The following TASP1 variants were observed in gnomAD, a reference collection of about 807,000 sequenced individuals.
TASP1 encodes threonine aspartase 1.
Under a neutral mutation model 56.6 loss-of-function variants are expected in TASP1, and 16 were observed. The ratio of observed to expected loss-of-function variants is 0.28; its 90% CI spans 0.19 to 0.43. The LOEUF is 0.43. Ranked by LOEUF, TASP1 falls within the 20% of genes least tolerant of loss-of-function variation. TASP1 has a pLI of 1.00. For synonymous variants in TASP1, 179 were observed against 184.2 expected, an observed-to-expected ratio of 0.97 and a Z score of 0.23; for missense variants, 393 against 511.6, an observed-to-expected ratio of 0.77 and a Z score of 2.24.
intron 4 of TASP1, among the ~76,000 whole-genome samples, chr20:13,605,622 T>A (rs1442996706): frequency 1.3e-5 from 2 of 151,956 alleles, no homozygotes; most frequent in Non-Finnish European, 2.9e-5. Context: ...TAAGCTGCAG[T>A]AAGCTATGAT....
chr20:13,345,587 G>GGGGA, the TASP1 span, among the ~76,000 whole-genome samples: 1 of 152,176 alleles, frequency 6.6e-6, no homozygotes, highest in Non-Finnish European at 1.5e-5. Flanking sequence ...ATCTACACTG[G>GGGGA]GGGAGGGAGG....
chr20:13,419,137 G>A (rs1047153385), intron 12 of TASP1, among the ~76,000 whole-genome samples: 1 of 152,152 alleles, frequency 6.6e-6, no homozygotes, highest in South Asian at 2.1e-4. Flanking sequence ...TAACTGTACT[G>A]TGATTATTTA....
intron 12 of TASP1, among the ~76,000 whole-genome samples, chr20:13,434,538 A>C (rs776851398): frequency 2.0e-5 from 3 of 152,194 alleles, no homozygotes; most frequent in Non-Finnish European, 4.4e-5. Context: ...TCAGGAGGCC[A>C]GGGCAGATGT....
At chr20:13,385,926 T>C (rs1010277753), downstream of TASP1, among the ~76,000 whole-genome samples, 1 of 152,168 alleles carries the variant, frequency 6.6e-6, no homozygotes, top group Non-Finnish European at 1.5e-5. Flanking sequence ...CTTTCCATCG[T>C]TCTGGAAAAA....
the TASP1 span, among the ~76,000 whole-genome samples, chr20:13,140,936 C>G: frequency 6.6e-6 from 1 of 152,110 alleles, no homozygotes; most frequent in African/African-American, 2.4e-5. Context: ...CTGACCCTGC[C>G]TCTAACCCAA....
At chr20:13,184,042 A>AAAAG in the TASP1 span, among the ~76,000 whole-genome samples, 2 of 151,688 alleles carry the variant, frequency 1.3e-5, no homozygotes, top group Non-Finnish European at 2.9e-5. Flanking sequence ...AAAAAAAAAA[A>AAAAG]AAAGAAAGAA....
chr20:13,508,120 A>G (rs2044197271), intron 10 of TASP1, among the ~76,000 whole-genome samples: 1 of 151,470 alleles, frequency 6.6e-6, no homozygotes, highest in Non-Finnish European at 1.5e-5. Context: ...CTGGAAGAGT[A>G]AAACTAAAGG....
chr20:13,331,299 CGTAA>C, the TASP1 span, among the ~76,000 whole-genome samples: 2 of 152,148 alleles, frequency 1.3e-5, no homozygotes, highest in African/African-American at 4.8e-5. Flanking sequence ...AGACATTTTA[CGTAA>C]GTCTCAGACA....
chr20:13,427,080 A>G (rs1011206746), intron 12 of TASP1, among the ~76,000 whole-genome samples: 5 of 152,212 alleles, frequency 3.3e-5, no homozygotes, highest in Non-Finnish European at 5.9e-5. Context: ...ATAAGTGCTC[A>G]CTGTGGCATG....
At chr20:13,448,127 G>A (rs2043479920) in intron 11 of TASP1, among the ~76,000 whole-genome samples, 1 of 152,064 alleles carries the variant, frequency 6.6e-6, no homozygotes, top group Non-Finnish European at 1.5e-5. Flanking sequence ...TAGAACTTCA[G>A]TTCTTCTGGA....
At chr20:13,189,012 C>G in the TASP1 span, among the ~76,000 whole-genome samples, 2 of 152,208 alleles carry the variant, frequency 1.3e-5, no homozygotes, top group African/African-American at 4.8e-5. Context: ...TTCTGTACCT[C>G]ACTTCTGATT....
chr20:13,231,011 CTT>C, the TASP1 span, among the ~76,000 whole-genome samples: 1 of 152,194 alleles, frequency 6.6e-6, no homozygotes. Flanking sequence ...CCTTCTGGCT[CTT>C]TCTCTTCCCT....
intron 2 of TASP1, among the ~76,000 whole-genome samples, chr20:13,628,281 T>C (rs2048969204): frequency 6.6e-6 from 1 of 152,214 alleles, no homozygotes; most frequent in East Asian, 1.9e-4. Flanking sequence ...TTATTGCTTG[T>C]TACAACTTTC....
intron 13 of TASP1, among the ~76,000 whole-genome samples, chr20:13,399,775 A>G (rs887792221): frequency 6.6e-6 from 1 of 152,208 alleles, no homozygotes; most frequent in Non-Finnish European, 1.5e-5. Context: ...ATTACTCCCC[A>G]GTGGCTCCCA....
chr20:13,418,659 A>C (rs998184710), intron 12 of TASP1, among the ~76,000 whole-genome samples: 1 of 152,244 alleles, frequency 6.6e-6, no homozygotes, highest in Non-Finnish European at 1.5e-5. Flanking sequence ...TCTCCAAAAA[A>C]TTCTTATAAC....
the TASP1 span, among the ~76,000 whole-genome samples, chr20:13,295,543 G>A: frequency 0.019 from 2,892 of 152,248 alleles, 38 homozygotes; most frequent in Non-Finnish European, 0.025. Flanking sequence ...CCCCATCGAT[G>A]CTATTGCAGT....
At chr20:13,120,142 T>A in the TASP1 span, among the ~76,000 whole-genome samples, 2 of 152,224 alleles carry the variant, frequency 1.3e-5, no homozygotes, top group East Asian at 3.8e-4. Flanking sequence ...TAAAGATTTT[T>A]GTTTGAAAAA....
the TASP1 span, among the ~76,000 whole-genome samples, chr20:13,136,617 A>ATG: frequency 3.1e-4 from 43 of 139,774 alleles, no homozygotes; most frequent in East Asian, 6.6e-3. Flanking sequence ...ATATATATAT[A>ATG]TAATATACAT....
intron 11 of TASP1, 129 bp downstream of exon 11, chr20:13,483,098 G>A: frequency 1.7e-6 from 1 of 573,996 alleles, no homozygotes. Context: ...AGTATTAACT[G>A]TGGTTCTTTT....
Sources: gnomAD v4.1 joint callset for allele counts (sites outside exome capture counted in the v4.1 genomes callset) on GRCh38, gnomAD v4.1.1 for gene constraint, MANE v1.5 for transcripts, NCBI Gene and HGNC (gene_info 2026-07-23, HGNC 2026-07-21) for gene names.